The following LRRC4C variants were observed in gnomAD, a reference collection of about 807,000 sequenced individuals.
LRRC4C encodes leucine rich repeat containing 4C.
Under a neutral mutation model 33.6 loss-of-function variants are expected in LRRC4C, and 5 were observed. That is an observed-to-expected ratio of 0.15 (90% CI 0.08 to 0.31). The LOEUF (loss-of-function observed/expected upper bound fraction) is 0.31. LRRC4C is among the 10% of genes least tolerant of loss of function. The pLI is 1.00. For synonymous variants in LRRC4C, 329 were observed against 302.0 expected (o/e 1.09, Z -0.93); for missense variants, 560 against 796.7 (o/e 0.70, Z 3.58).
chr11:40,318,454 C>T (rs764608982), intron 4 of LRRC4C, among the ~76,000 whole-genome samples: 20 of 152,246 alleles, frequency 1.3e-4, no homozygotes, highest in Non-Finnish European at 2.5e-4. Context: ...GAGGCAGCAT[C>T]TAATGGAGAC....
chr11:40,159,984 G>A (rs1260211749), intron 5 of LRRC4C, among the ~76,000 whole-genome samples: 16 of 152,032 alleles, frequency 1.1e-4, no homozygotes, highest in African/African-American at 3.6e-4. Flanking sequence ...TAAAATCATT[G>A]TTGAGACTAC....
At chr11:40,303,394 T>G (rs943456774) in intron 4 of LRRC4C, among the ~76,000 whole-genome samples, 1 of 152,230 alleles carries the variant, frequency 6.6e-6, no homozygotes, top group African/African-American at 2.4e-5. Flanking sequence ...CTCAAAATAA[T>G]GCTCTATGAA....
intron 1 of LRRC4C, among the ~76,000 whole-genome samples, chr11:41,175,413 A>G (rs1172042582): frequency 8.5e-5 from 13 of 152,176 alleles, no homozygotes; most frequent in Non-Finnish European, 1.5e-5. Context: ...CATGCAAACT[A>G]CATGTCTAAA....
chr11:41,163,304 A>ATTTTTTTTTTTTTTTTTTG (rs1565440667), intron 1 of LRRC4C, among the ~76,000 whole-genome samples: 1 of 105,254 alleles, frequency 9.5e-6, no homozygotes. Flanking sequence ...TTTTTTTTCA[A>ATTTTTTTTTTTTTTTTTTG]ACAGGGTCTT....
chr11:40,856,436 A>C (rs1308351575), intron 2 of LRRC4C, among the ~76,000 whole-genome samples: 1 of 152,082 alleles, frequency 6.6e-6, no homozygotes, highest in Non-Finnish European at 1.5e-5. Context: ...AAAATTGCTC[A>C]TTTTTCCTAT....
At chr11:40,415,617 A>T (rs1462018424) in intron 3 of LRRC4C, among the ~76,000 whole-genome samples, 1 of 152,176 alleles carries the variant, frequency 6.6e-6, no homozygotes, top group Non-Finnish European at 1.5e-5. Context: ...AATGTAGAAA[A>T]AGGGTAATGA....
At chr11:40,643,426 A>G (rs1942243792) in intron 3 of LRRC4C, among the ~76,000 whole-genome samples, 1 of 152,074 alleles carries the variant, frequency 6.6e-6, no homozygotes, top group African/African-American at 2.4e-5. Context: ...AGAAGATCAC[A>G]CAGAAGCCAG....
chr11:41,327,391 T>G (rs934688720), intron 1 of LRRC4C, among the ~76,000 whole-genome samples: 17 of 152,206 alleles, frequency 1.1e-4, no homozygotes, highest in African/African-American at 4.1e-4. Flanking sequence ...GATATGTTAG[T>G]GTACCAATAT....
chr11:40,542,808 G>A (rs1956776638), intron 3 of LRRC4C, among the ~76,000 whole-genome samples: 1 of 152,042 alleles, frequency 6.6e-6, no homozygotes, highest in Non-Finnish European at 1.5e-5. Context: ...CTCTCCCATA[G>A]GGTGGTACAA....
intron 2 of LRRC4C, among the ~76,000 whole-genome samples, chr11:40,881,322 C>G (rs918296043): frequency 6.6e-6 from 1 of 152,040 alleles, no homozygotes; most frequent in Non-Finnish European, 1.5e-5. Context: ...TATTGTGTAT[C>G]CTACATAAAT....
chr11:40,628,971 T>G (rs1328712366), intron 3 of LRRC4C, among the ~76,000 whole-genome samples: 1 of 152,170 alleles, frequency 6.6e-6, no homozygotes, highest in Admixed American at 6.5e-5. Flanking sequence ...CATTTTGATT[T>G]TACTTGTTAA....
chr11:41,395,223 ATGTGAACACCTCT>A (rs1157059139), intron 1 of LRRC4C, among the ~76,000 whole-genome samples: 1 of 152,032 alleles, frequency 6.6e-6, no homozygotes, highest in Admixed American at 6.6e-5. Context: ...TCTTGAGCAC[ATGTGAACACCTCT>A]TGTGTACACC....
At chr11:41,376,335 A>C (rs1442350546) in intron 1 of LRRC4C, among the ~76,000 whole-genome samples, 1 of 152,178 alleles carries the variant, frequency 6.6e-6, no homozygotes, top group Non-Finnish European at 1.5e-5. Context: ...AGCAAGTCTG[A>C]GATGCCTTGT....
rs530088874 is a variant in LRRC4C, at chr11:41,302,505, A to T, written c.-496+156926T>A. 5.9e-5 allele frequency among the ~76,000 whole-genome samples: 9 copies of T among 152,336 alleles called. No homozygotes were observed. The South Asian group carries it at 1.7e-3, about 28-fold the overall frequency. The stretch of plus-strand genomic sequence containing the variant: ...TTAAACAAAGTCTGTAAGTACTTGG[A>T]TCAAATACAAACTTTGTTTTCGAGT... On this transcript the variant is annotated intron_variant, in intron 1 of 6. Coordinates refer to ENST00000528697, the MANE Select transcript of LRRC4C (RefSeq NM_001258419.2).
intron 3 of LRRC4C, among the ~76,000 whole-genome samples, chr11:40,495,707 C>T (rs1477748923): frequency 6.7e-6 from 1 of 148,368 alleles, no homozygotes; most frequent in East Asian, 2.0e-4. Context: ...GTGAAAGAAT[C>T]TCTTAGTCTC....
chr11:40,882,443 A>G (rs1328148986), intron 2 of LRRC4C, among the ~76,000 whole-genome samples: 1 of 152,088 alleles, frequency 6.6e-6, no homozygotes, highest in Non-Finnish European at 1.5e-5. Context: ...AGGTCCAAAT[A>G]CATTAGGCTA....
intron 1 of LRRC4C, among the ~76,000 whole-genome samples, chr11:41,125,245 T>C (rs1393121534): frequency 6.6e-6 from 1 of 150,784 alleles, no homozygotes; most frequent in Non-Finnish European, 1.5e-5. Context: ...CTCTATAAAA[T>C]TATTGACAAA....
chr11:41,089,380 T>C (rs1260995992), intron 1 of LRRC4C, among the ~76,000 whole-genome samples: 2 of 152,178 alleles, frequency 1.3e-5, no homozygotes, highest in South Asian at 2.1e-4. Context: ...ATGGCACCAA[T>C]GATGCTTTTA....
chr11:41,253,449 G>A (rs754861275), intron 1 of LRRC4C, among the ~76,000 whole-genome samples: 133 of 152,184 alleles, frequency 8.7e-4, no homozygotes, highest in Non-Finnish European at 1.5e-3. Context: ...CATATCATGA[G>A]TCTGACAATA....
Sources: allele counts gnomAD v4.1 joint callset (sites outside exome capture counted in the v4.1 genomes callset), GRCh38; gene constraint gnomAD v4.1.1; transcripts MANE v1.5; gene names NCBI Gene and HGNC (gene_info 2026-07-23, HGNC 2026-07-21).